The following LHCGR variants were observed in gnomAD, a reference collection of about 807,000 sequenced individuals.
LHCGR encodes luteinizing hormone/choriogonadotropin receptor, also known as lutropin-choriogonadotropic hormone receptor.
In LHCGR, 55 loss-of-function variants were observed where a neutral mutation model predicts 60.7. The ratio of observed to expected loss-of-function variants is 0.91; its 90% CI spans 0.73 to 1.13. The LOEUF is 1.13. Ranked by LOEUF, LHCGR falls within the 50% of genes most tolerant of loss-of-function variation. LHCGR has a pLI of 0.00. For missense variants in LHCGR, 862 were observed against 836.0 expected (o/e 1.03, Z -0.38); for synonymous variants, 337 against 316.5 (o/e 1.06, Z -0.69).
intron 6 of LHCGR, among the ~76,000 whole-genome samples, chr2:48,718,110 A>G (rs920452267): frequency 2.6e-5 from 4 of 152,018 alleles, no homozygotes; most frequent in Admixed American, 2.6e-4. Context: ...TTTCCAAAAC[A>G]TCATGGTGTC....
intron 8 of LHCGR, among the ~76,000 whole-genome samples, chr2:48,708,033 C>G (rs1276051859): frequency 6.6e-6 from 1 of 152,194 alleles, no homozygotes; most frequent in Non-Finnish European, 1.5e-5. Context: ...TGGGCTGTAC[C>G]CACTGTCCAG....
chr2:48,725,850 C>A, intron 3 of LHCGR, 100 bp from the exon 4 acceptor site: 15 of 963,770 alleles, frequency 1.6e-5, no homozygotes, highest in East Asian at 5.0e-5. Context: ...CTGAAAATGG[C>A]ATCAGCAAAA....
intron 3 of LHCGR, among the ~76,000 whole-genome samples, chr2:48,726,415 C>T (rs780412052): frequency 1.3e-5 from 2 of 152,092 alleles, no homozygotes; most frequent in Non-Finnish European, 2.9e-5. Flanking sequence ...AGTAATAGAA[C>T]AGGTAGAGAT....
chr2:48,707,087 C>T (rs557485167), intron 8 of LHCGR, among the ~76,000 whole-genome samples: 1 of 152,228 alleles, frequency 6.6e-6, no homozygotes, highest in African/African-American at 2.4e-5. Flanking sequence ...GTATGGATGC[C>T]CTTTTTGTTG....
chr2:48,723,424 A>G (rs755404229), intron 6 of LHCGR, 32 bp downstream of exon 6: 2 of 1,468,296 alleles, frequency 1.4e-6, no homozygotes, highest in Admixed American at 3.3e-5. Context: ...AGGAGGCTGT[A>G]TGGCAGAACA....
rs749933208 is a variant in LHCGR, at chr2:48,688,102, T to C, written c.1695A>G (p.Thr565=). The C allele has an allele frequency of 1.9e-6, 3 of 1,614,058 alleles. No homozygotes were observed. The highest frequency in any genetic ancestry group is 2.5e-6 in the Non-Finnish European group (3 of 1,180,044). The change falls in exon 11 of 11, where the codon ACA becomes ACG. Residue 565 remains threonine (T), a synonymous_variant. Coordinates refer to ENST00000294954, the MANE Select transcript of LHCGR (RefSeq NM_000233.4). The surrounding 1 kb of genome is among the most constrained non-coding windows in gnomAD (Gnocchi z 5.2). Reference sequence around the variant, plus strand: ...GGATTGCCATTTTCTTAGCAATCTTTGTATCTTTATTGGTAGCCATTAATT... The same window carrying C: ...GGATTGCCATTTTCTTAGCAATCTTCGTATCTTTATTGGTAGCCATTAATT... ...NPELMATNKD[T]KIAKKMAILI... is the part of the protein sequence containing the mutation.
At chr2:48,689,788 C>T (rs1041162988) in intron 10 of LHCGR, among the ~76,000 whole-genome samples, 8 of 152,068 alleles carry the variant, frequency 5.3e-5, no homozygotes, top group Admixed American at 4.6e-4. Flanking sequence ...AATCTTGGCT[C>T]ACTGCAACCT....
chr2:48,742,711 T>A (rs565516335), intron 1 of LHCGR, among the ~76,000 whole-genome samples: 192 of 152,120 alleles, frequency 1.3e-3, no homozygotes, highest in Middle Eastern at 0.01. Flanking sequence ...AGGGAAATTT[T>A]TAGCACTAAA....
At chr2:48,703,903 G>A (rs1381251753) in intron 8 of LHCGR, among the ~76,000 whole-genome samples, 5 of 152,086 alleles carry the variant, frequency 3.3e-5, no homozygotes, top group Non-Finnish European at 2.9e-5. Context: ...TGATTGCCCT[G>A]GCCAGAACTT....
At chr2:48,689,676 C>T (rs190875808) in intron 10 of LHCGR, among the ~76,000 whole-genome samples, 1 of 152,230 alleles carries the variant, frequency 6.6e-6, no homozygotes, top group East Asian at 1.9e-4. Context: ...CACTCCTTTC[C>T]AACCCCACTG....
chr2:48,694,169 A>G, intron 10 of LHCGR, 55 bp downstream of exon 10: 1 of 997,172 alleles, frequency 1.0e-6, no homozygotes. Context: ...GCTGATAATA[A>G]GGTGCACACA....
At chr2:48,701,544 A>C (rs35020030) in intron 8 of LHCGR, among the ~76,000 whole-genome samples, 17,650 of 152,188 alleles carry the variant, frequency 0.12, 1,160 homozygotes, top group African/African-American at 0.17. Flanking sequence ...GTGTTCGTTC[A>C]AACGACACTT....
At chr2:48,718,766 G>A (rs974289456) in intron 6 of LHCGR, among the ~76,000 whole-genome samples, 4 of 152,086 alleles carry the variant, frequency 2.6e-5, no homozygotes, top group African/African-American at 7.2e-5. Context: ...TGGATGTGCC[G>A]GCAGTGGTTA....
At chr2:48,702,882 C>T (rs1199787930) in intron 8 of LHCGR, among the ~76,000 whole-genome samples, 1 of 152,188 alleles carries the variant, frequency 6.6e-6, no homozygotes, top group East Asian at 1.9e-4. Flanking sequence ...ATTTACAGTC[C>T]CACCAACAGT....
intron 10 of LHCGR, among the ~76,000 whole-genome samples, chr2:48,692,691 G>T (rs1666912404): frequency 2.0e-5 from 3 of 152,268 alleles, no homozygotes; most frequent in East Asian, 3.9e-4. Context: ...ATTTTAGGAG[G>T]ACAATAGGGC....
intron 1 of LHCGR, among the ~76,000 whole-genome samples, chr2:48,734,073 C>T (rs1224107773): frequency 6.6e-6 from 1 of 152,160 alleles, no homozygotes; most frequent in Non-Finnish European, 1.5e-5. Context: ...GTTTTCTTCA[C>T]AGCATTGTGG....
At position 48,687,843 on chromosome 2, in the gene LHCGR, T is replaced by C; in HGVS notation, c.1954A>G (p.Arg652Gly). 1 of 1,614,166 alleles carries C rather than the reference T, an allele frequency of 6.2e-7. No homozygotes were observed. Residue 652 changes from arginine (R) to glycine (G), a missense_variant, in exon 11 of 11, where the codon AGA becomes GGA. By Grantham distance (125) the Arg-to-Gly change is moderately radical. Coordinates refer to ENST00000294954, the MANE Select transcript of LHCGR (RefSeq NM_000233.4). The part of the protein sequence containing the change: ...GCCKRRAELY[R>G]RKDFSAYTSN... ...GTGTAAGCTGAAAAATCTTTCCTTC[T>C]ATAAAGTTCAGCCCGACGTTTACAG...
rs1679946113 is a variant in LHCGR, at chr2:48,687,400, C to A, written c.*297G>T. 1 of 325,018 alleles carries A rather than the reference C, an allele frequency of 3.1e-6. No homozygotes were observed. Among genetic ancestry groups the A allele is most frequent in the Non-Finnish European group, 5.7e-6 (1 of 176,300 alleles). The allele number at this position is 325,018 out of a possible 1,614,324, so 20.1% of individuals were successfully genotyped here. A position where few individuals can be genotyped will look rare whatever the true frequency, so the allele number is the denominator to read the frequency against. ...TTACGAAAATGAAAAAAAAGATATGCAAAATACCTCCTCAGTTTTTTAAAA... is the reference window on the plus strand; with the variant it reads ...TTACGAAAATGAAAAAAAAGATATGAAAAATACCTCCTCAGTTTTTTAAAA... On this transcript the variant is annotated 3_prime_UTR_variant, in exon 11 of 11. Transcript: ENST00000294954.
chr2:48,717,833 CTTT>C (rs10711529), intron 6 of LHCGR, among the ~76,000 whole-genome samples: 177 of 68,996 alleles, frequency 2.6e-3, no homozygotes, highest in African/African-American at 5.3e-3. Context: ...TTTTCCATGT[CTTT>C]TTTTTTTTTT....
Sources: allele counts gnomAD v4.1 joint callset (sites outside exome capture counted in the v4.1 genomes callset), GRCh38; gene constraint gnomAD v4.1.1; non-coding constraint Gnocchi (gnomAD v3.1); transcripts MANE v1.5; gene names NCBI Gene and HGNC (gene_info 2026-07-23, HGNC 2026-07-21).